BRAP: variants seen among roughly 807,000 people sequenced by gnomAD.
The protein encoded by BRAP is BRCA1 associated protein.
Under a neutral mutation model 73.4 loss-of-function variants are expected in BRAP, and 42 were observed. That is an observed-to-expected ratio of 0.57 (90% CI 0.45 to 0.74). BRAP has a LOEUF of 0.74. Among genes scored for constraint, BRAP ranks in the 30% least tolerant of loss-of-function variants. The pLI, the probability that BRAP is intolerant of heterozygous loss-of-function variation, is 0.00. For missense variants in BRAP, 593 were observed against 751.4 expected, an observed-to-expected ratio of 0.79 and a Z score of 2.46; for synonymous variants, 255 against 267.4, an observed-to-expected ratio of 0.95 and a Z score of 0.45.
chr12:111,660,078 AAAAAAGAAAAAG>A (rs984767173), intron 7 of BRAP, among the ~76,000 whole-genome samples: 1 of 151,964 alleles, frequency 6.6e-6, no homozygotes, highest in Non-Finnish European at 1.5e-5. Context: ...TGTCTCAAAA[AAAAAAGAAAAAG>A]AAAAAGAAAA....
chr12:111,644,106 T>C lies in BRAP; in HGVS notation c.*93A>G. On this transcript the variant is annotated 3_prime_UTR_variant, in exon 12 of 12. Transcript: ENST00000419234. ...CTGTGGCTTGATCCTCACTTGTACT[T>C]ATTAGGGCCCACCCTCACATTTAGC... 1 of 1,504,030 alleles carries C rather than the reference T, an allele frequency of 6.6e-7. No individual in the cohort carries two copies. Among genetic ancestry groups the C allele is most frequent in the South Asian group, 1.3e-5 (1 of 76,270 alleles). 93.2% of individuals were successfully genotyped at this position (1,504,030 alleles called of 1,614,324 possible).
At chr12:111,661,080 A>T (rs974409772) in intron 6 of BRAP, among the ~76,000 whole-genome samples, 2 of 151,904 alleles carry the variant, frequency 1.3e-5, no homozygotes, top group Admixed American at 1.3e-4. Flanking sequence ...CCCAGGTTCA[A>T]GCGATTCTCC....
chr12:111,679,082 G>T, intron 4 of BRAP, 69 bp downstream of exon 4: 1 of 1,152,684 alleles, frequency 8.7e-7, no homozygotes, highest in Non-Finnish European at 1.2e-6. Flanking sequence ...ATCACACACA[G>T]CTATCATACA....
At chr12:111,669,579 A>T (rs1419777480) in intron 5 of BRAP, among the ~76,000 whole-genome samples, 3 of 152,152 alleles carry the variant, frequency 2.0e-5, no homozygotes, top group Non-Finnish European at 4.4e-5. Flanking sequence ...TGCAATTCTT[A>T]AAAAGGTACC....
rs1018884567 is a variant in BRAP at position 111,646,100 on chromosome 12, T to C, written c.1416-1538A>G. On this transcript the variant is annotated intron_variant, in intron 11 of 11. Coordinates refer to ENST00000419234, the MANE Select transcript of BRAP (RefSeq NM_006768.5). Reference sequence around the variant, plus strand: ...CACTTTGAAATCAGCCCGGTCAACATAGCGAGACACCGTCTATACAAAAGA... The same window carrying C: ...CACTTTGAAATCAGCCCGGTCAACACAGCGAGACACCGTCTATACAAAAGA... Among the ~76,000 whole-genome samples, 6 of 151,986 alleles carry C rather than the reference T, an allele frequency of 3.9e-5. No individual in the cohort carries two copies. The East Asian group carries it at 5.8e-4, about 15-fold the overall frequency.
At chr12:111,646,072 G>A (rs375723832) in intron 11 of BRAP, among the ~76,000 whole-genome samples, 23 of 152,046 alleles carry the variant, frequency 1.5e-4, no homozygotes, top group African/African-American at 5.1e-4. Context: ...AAAGTGAGAG[G>A]GTCACTTTGA....
Position 111,643,799 on chromosome 12 carries a change from G to C in BRAP, c.*400C>G, listed in dbSNP as rs1885991173. ...TGTTATGCCCTCAGAGAGGTTTGGTGCTTTAGTGCTAGATAACCTTACCTT... is the reference window on the plus strand; with the variant it reads ...TGTTATGCCCTCAGAGAGGTTTGGTCCTTTAGTGCTAGATAACCTTACCTT... On this transcript the variant is annotated 3_prime_UTR_variant, in exon 12 of 12. Coordinates refer to ENST00000419234, the MANE Select transcript of BRAP (RefSeq NM_006768.5). 5.5e-6 allele frequency: 1 copy of C among 182,534 alleles called. No homozygotes were observed. The highest frequency in any genetic ancestry group is 1.3e-4 in the South Asian group (1 of 7,656). The allele number at this position is 182,534 out of a possible 1,614,324, so 11.3% of individuals were successfully genotyped here. A position where few individuals can be genotyped will look rare whatever the true frequency, so the allele number is the denominator to read the frequency against.
chr12:111,683,697 C>T (rs531609840), intron 1 of BRAP, among the ~76,000 whole-genome samples: 36 of 152,214 alleles, frequency 2.4e-4, no homozygotes, highest in South Asian at 2.1e-3. Flanking sequence ...CGTGCCACCA[C>T]GCCCAGCTAA....
At chr12:111,656,740 T>C in intron 9 of BRAP, among the ~76,000 whole-genome samples, 1 of 152,120 alleles carries the variant, frequency 6.6e-6, no homozygotes, top group African/African-American at 2.4e-5. Flanking sequence ...TTTCTTTCTT[T>C]TTTTTTTGTT....
At chr12:111,657,689 T>C (rs1886585812) in intron 9 of BRAP, among the ~76,000 whole-genome samples, 1 of 151,948 alleles carries the variant, frequency 6.6e-6, no homozygotes. Flanking sequence ...ACCACCCTGG[T>C]TAACACAGTG....
chr12:111,660,316 CAT>C (rs1404868281), intron 7 of BRAP, among the ~76,000 whole-genome samples: 1 of 151,784 alleles, frequency 6.6e-6, no homozygotes, highest in Non-Finnish European at 1.5e-5. Flanking sequence ...TTTGTGTATT[CAT>C]ATGTCTTGCC....
chr12:111,672,642 A>G lies in BRAP; in HGVS notation c.747+19T>C, dbSNP rs1176204959. Reference sequence around the variant, plus strand: ...AATCTGATATATTTTAATTAAATATAGGAACAATTCACACTTACATCTTCA... The same window carrying G: ...AATCTGATATATTTTAATTAAATATGGGAACAATTCACACTTACATCTTCA... On this transcript the variant is annotated intron_variant, in intron 5 of 11. Coordinates refer to ENST00000419234, the MANE Select transcript of BRAP (RefSeq NM_006768.5). The G allele has an allele frequency of 6.3e-7, 1 of 1,587,618 alleles. No individual in the cohort carries two copies. Among genetic ancestry groups the G allele is most frequent in the Non-Finnish European group, 8.6e-7 (1 of 1,159,480 alleles).
rs369468813 is a variant in BRAP at position 111,665,624 on chromosome 12, G to A, written c.896+15C>T. ...AATGGGCTTGTACACAGAGGGGTTC[G>A]GCCCCTGCACTCACGTGGTATCGTC... On this transcript the variant is annotated intron_variant, in intron 6 of 11. Transcript: ENST00000419234. This position sits in a 1 kb window ranked among gnomAD's most constrained non-coding sequence, Gnocchi z 4.3. The A allele has an allele frequency of 9.9e-6, 16 of 1,613,920 alleles. No homozygotes were observed. The highest frequency in any genetic ancestry group is 3.3e-4 in the Middle Eastern group (2 of 6,030).
At chr12:111,652,933 T>C (rs1333440072) in intron 10 of BRAP, among the ~76,000 whole-genome samples, 1 of 152,100 alleles carries the variant, frequency 6.6e-6, no homozygotes, top group Non-Finnish European at 1.5e-5. Flanking sequence ...ATGGTCTCAA[T>C]CTCTTGACCT....
intron 4 of BRAP, among the ~76,000 whole-genome samples, chr12:111,678,381 G>A (rs549132604): frequency 5.9e-5 from 9 of 151,948 alleles, no homozygotes; most frequent in African/African-American, 1.4e-4. Context: ...CAAACAGGCC[G>A]GGCATGATGG....
chr12:111,650,530 T>C (rs1456471920), intron 10 of BRAP, among the ~76,000 whole-genome samples: 1 of 152,124 alleles, frequency 6.6e-6, no homozygotes, highest in Non-Finnish European at 1.5e-5. Context: ...CCTCCCAAAA[T>C]GTTGGGATTA....
At chr12:111,658,535 G>C (rs552416466) in intron 9 of BRAP, among the ~76,000 whole-genome samples, 23 of 152,102 alleles carry the variant, frequency 1.5e-4, no homozygotes, top group Non-Finnish European at 2.6e-4. Context: ...CGTTAGCCAG[G>C]CTGGTCTTGA....
chr12:111,669,077 A>G (rs1403048179), intron 5 of BRAP, among the ~76,000 whole-genome samples: 1 of 152,212 alleles, frequency 6.6e-6, no homozygotes, highest in East Asian at 1.9e-4. Context: ...TTTTATCTAA[A>G]TTTACGTTCA....
At chr12:111,681,314 G>T (rs986858420) in intron 3 of BRAP, among the ~76,000 whole-genome samples, 2 of 151,398 alleles carry the variant, frequency 1.3e-5, no homozygotes, top group African/African-American at 4.9e-5. Flanking sequence ...AAGATGCAGT[G>T]ATCTGAGATC....
Sources: allele counts gnomAD v4.1 joint callset (sites outside exome capture counted in the v4.1 genomes callset), GRCh38; gene constraint gnomAD v4.1.1; non-coding constraint Gnocchi (gnomAD v3.1); transcripts MANE v1.5; gene names NCBI Gene and HGNC (gene_info 2026-07-23, HGNC 2026-07-21).